LRMDA: variants seen among roughly 807,000 people sequenced by gnomAD.
LRMDA encodes the protein leucine-rich melanocyte differentiation-associated protein.
LRMDA carries 18 observed loss-of-function variants against 29.8 expected under a neutral mutation model. That is an observed-to-expected ratio of 0.60 (90% confidence interval 0.42 to 0.90). The LOEUF is 0.90. LRMDA is among the 40% of genes least tolerant of loss of function. The probability of loss-of-function intolerance (pLI) is 0.00; values close to 1 mark genes in which losing one functional copy is unlikely to be tolerated. For missense variants in LRMDA, 273 were observed against 273.9 expected, an observed-to-expected ratio of 1.00 and a Z score of 0.02; for synonymous variants, 125 against 109.4, an observed-to-expected ratio of 1.14 and a Z score of -0.89.
intron 2 of LRMDA, among the ~76,000 whole-genome samples, chr10:75,634,123 C>G (rs970634694): frequency 1.3e-5 from 2 of 152,190 alleles, no homozygotes; most frequent in African/African-American, 4.8e-5. Context: ...TCCCGGTAAA[C>G]TAGCACTGGA....
intron 6 of LRMDA, among the ~76,000 whole-genome samples, chr10:76,547,014 C>T (rs1843427863): frequency 6.6e-6 from 1 of 151,934 alleles, no homozygotes; most frequent in African/African-American, 2.4e-5. Context: ...GACCAGGTAC[C>T]CTGAGAGGGA....
intron 5 of LRMDA, among the ~76,000 whole-genome samples, chr10:76,291,344 G>A (rs1840337805): frequency 6.6e-6 from 1 of 152,168 alleles, no homozygotes; most frequent in Non-Finnish European, 1.5e-5. Context: ...TACACATGAT[G>A]TCATAATAAT....
At chr10:75,546,128 G>A (rs1296176320) in intron 2 of LRMDA, among the ~76,000 whole-genome samples, 2 of 152,132 alleles carry the variant, frequency 1.3e-5, no homozygotes, top group East Asian at 3.9e-4. Flanking sequence ...ACACCCAGAG[G>A]AGGAATGAGA....
At chr10:75,823,587 G>T (rs934820894) in intron 2 of LRMDA, among the ~76,000 whole-genome samples, 2 of 151,986 alleles carry the variant, frequency 1.3e-5, no homozygotes, top group African/African-American at 2.4e-5. Flanking sequence ...ATTAAAAATA[G>T]AACTACCCTT....
At chr10:75,980,617 G>A (rs1453176567) in intron 2 of LRMDA, among the ~76,000 whole-genome samples, 1 of 152,108 alleles carries the variant, frequency 6.6e-6, no homozygotes, top group East Asian at 1.9e-4. Context: ...GCATGATGCA[G>A]GGATTAGGGG....
chr10:76,343,156 C>A (rs1014212720), intron 6 of LRMDA, among the ~76,000 whole-genome samples: 2 of 152,122 alleles, frequency 1.3e-5, no homozygotes, highest in African/African-American at 4.8e-5. Context: ...TGGAGCTGAT[C>A]CCAATGCTAT....
At chr10:75,508,581 A>G (rs1845193145) in intron 2 of LRMDA, among the ~76,000 whole-genome samples, 1 of 152,182 alleles carries the variant, frequency 6.6e-6, no homozygotes, top group Non-Finnish European at 1.5e-5. Flanking sequence ...GTGTGGTGAT[A>G]AAGCCAATAA....
chr10:75,449,527 TTC>T (rs974655302), intron 2 of LRMDA, among the ~76,000 whole-genome samples: 2 of 60,072 alleles, frequency 3.3e-5, no homozygotes, highest in African/African-American at 4.6e-5. Flanking sequence ...GGAAGTTTCC[TTC>T]TTTTTTTTTT....
At chr10:75,815,648 A>G (rs1844045871) in intron 2 of LRMDA, among the ~76,000 whole-genome samples, 1 of 152,182 alleles carries the variant, frequency 6.6e-6, no homozygotes, top group Non-Finnish European at 1.5e-5. Flanking sequence ...TCAGTGAATA[A>G]CTACAGTCAC....
intron 2 of LRMDA, among the ~76,000 whole-genome samples, chr10:75,829,841 C>CTTTTTTTTT (rs34025294): frequency 3.4e-5 from 3 of 89,466 alleles, no homozygotes; most frequent in South Asian, 4.4e-4. Flanking sequence ...GAATAGGCCA[C>CTTTTTTTTT]TTTTTTTTTT....
At chr10:76,010,251 A>C (rs1257819246) in intron 2 of LRMDA, among the ~76,000 whole-genome samples, 2 of 150,950 alleles carry the variant, frequency 1.3e-5, no homozygotes, top group Non-Finnish European at 2.9e-5. Context: ...CTGTACCCTG[A>C]GGTATTTCCC....
chr10:75,809,793 G>C (rs943008851), intron 2 of LRMDA, among the ~76,000 whole-genome samples: 1 of 152,196 alleles, frequency 6.6e-6, no homozygotes, highest in African/African-American at 2.4e-5. Context: ...GCTTGCAAAG[G>C]GGCATGTGAA....
chr10:76,274,399 G>A (rs1473938970), intron 5 of LRMDA, among the ~76,000 whole-genome samples: 1 of 152,110 alleles, frequency 6.6e-6, no homozygotes, highest in Non-Finnish European at 1.5e-5. Flanking sequence ...AAACCAACTG[G>A]GATGTTTAAA....
chr10:75,560,158 C>G (rs1259344526), intron 2 of LRMDA, among the ~76,000 whole-genome samples: 2 of 151,514 alleles, frequency 1.3e-5, no homozygotes, highest in Non-Finnish European at 3.0e-5. Flanking sequence ...ATTCTTCCTA[C>G]CCATGAGCAT....
At chr10:75,717,486 C>T (rs557585267) in intron 2 of LRMDA, among the ~76,000 whole-genome samples, 1 of 152,332 alleles carries the variant, frequency 6.6e-6, no homozygotes, top group Admixed American at 6.5e-5. Flanking sequence ...GCAGAGGCCA[C>T]CTTGGTGGCA....
intron 2 of LRMDA, among the ~76,000 whole-genome samples, chr10:75,931,640 G>T (rs1383127273): frequency 6.6e-6 from 1 of 152,192 alleles, no homozygotes; most frequent in Non-Finnish European, 1.5e-5. Flanking sequence ...CTTCCTCTAA[G>T]CTTCTGCTCA....
At chr10:75,744,851 T>A (rs561347896) in intron 2 of LRMDA, among the ~76,000 whole-genome samples, 1 of 152,272 alleles carries the variant, frequency 6.6e-6, no homozygotes, top group South Asian at 2.1e-4. Flanking sequence ...TGCTATGTAT[T>A]CAGATTCAGA....
At chr10:76,303,779 AT>A (rs1286175957) in intron 5 of LRMDA, among the ~76,000 whole-genome samples, 1 of 146,476 alleles carries the variant, frequency 6.8e-6, no homozygotes, top group Non-Finnish European at 1.5e-5. Flanking sequence ...TCTGAGTTCT[AT>A]TAATGACCTG....
intron 6 of LRMDA, among the ~76,000 whole-genome samples, chr10:76,333,520 G>A (rs566613807): frequency 1.1e-4 from 17 of 152,282 alleles, no homozygotes; most frequent in African/African-American, 4.1e-4. Context: ...GCTGGGGCCT[G>A]GATAGATACT....
Sources: allele counts gnomAD v4.1 joint callset (sites outside exome capture counted in the v4.1 genomes callset), GRCh38; gene constraint gnomAD v4.1.1; transcripts MANE v1.5; gene names NCBI Gene and HGNC (gene_info 2026-07-23, HGNC 2026-07-21).